The following SLC12A2 variants were observed in gnomAD, a reference collection of about 807,000 sequenced individuals.
SLC12A2 encodes solute carrier family 12 member 2.
In SLC12A2, 67 loss-of-function variants were observed where a neutral mutation model predicts 136.3. The ratio of observed to expected loss-of-function variants is 0.49; its 90% CI spans 0.40 to 0.60. The LOEUF is 0.60. Among genes scored for constraint, SLC12A2 ranks in the 20% least tolerant of loss-of-function variants. The probability of loss-of-function intolerance (pLI) is 0.00; values close to 1 mark genes in which losing one functional copy is unlikely to be tolerated. For synonymous variants in SLC12A2, 619 were observed against 562.9 expected (o/e 1.10, Z -1.41); for missense variants, 1,322 against 1,534.7 (o/e 0.86, Z 2.32).
chr5:128,138,611 G>T lies in SLC12A2; in HGVS notation c.1423G>T (p.Glu475Ter). ...GTTCTCTGCAGCTGAAATATTTAAT[G>T]AGAACTTTGGGCCCGATTTTCGAGA... ...FFGYKSEIFN[E>*]NFGPDFREEE... The change falls in exon 8 of 27, where the codon GAG (glutamate) becomes TAG (stop). Residue 475 changes from glutamate (E) to a stop codon, truncating the protein, a stop_gained. Transcript: ENST00000262461. LOFTEE classifies it high-confidence loss of function. The T allele has an allele frequency of 6.2e-7, 1 of 1,608,242 alleles. No individual in the cohort carries two copies. Among genetic ancestry groups the T allele is most frequent in the South Asian group, 1.1e-5 (1 of 89,638 alleles).
intron 4 of SLC12A2, among the ~76,000 whole-genome samples, chr5:128,126,190 C>A (rs1581088817): frequency 6.6e-6 from 1 of 152,230 alleles, no homozygotes; most frequent in Non-Finnish European, 1.5e-5. Flanking sequence ...ATTGGATTAA[C>A]AACCTAAATA....
At chr5:128,104,404 G>A (rs969744398) in intron 1 of SLC12A2, among the ~76,000 whole-genome samples, 5 of 152,080 alleles carry the variant, frequency 3.3e-5, no homozygotes, top group Non-Finnish European at 7.4e-5. Context: ...GGCCCAGGCG[G>A]GCAGATCACT....
intron 9 of SLC12A2, 41 bp from the exon 10 acceptor site, chr5:128,141,789 A>G: frequency 6.5e-7 from 1 of 1,543,752 alleles, no homozygotes. Context: ...AAATGAATGT[A>G]GATATTAACT....
At chr5:128,175,099 C>T (rs554970410) in intron 20 of SLC12A2, among the ~76,000 whole-genome samples, 2 of 152,168 alleles carry the variant, frequency 1.3e-5, no homozygotes, top group East Asian at 3.9e-4. Flanking sequence ...CCTCACTCTC[C>T]TACCTCTGTT....
intron 1 of SLC12A2, among the ~76,000 whole-genome samples, chr5:128,106,858 C>T (rs938193669): frequency 1.3e-5 from 2 of 152,084 alleles, no homozygotes; most frequent in African/African-American, 4.8e-5. Context: ...AAATCTTAGC[C>T]TTAGAAAAAG....
chr5:128,186,529 T>G lies in SLC12A2; in HGVS notation c.3537T>G (p.Ser1179=). 1.9e-6 allele frequency: 3 copies of G among 1,613,770 alleles called. No homozygotes were observed. The highest frequency in any genetic ancestry group is 2.5e-6 in the Non-Finnish European group (3 of 1,179,878). ...SLPVARKGAV[S]SALYMAWLEA... Reference sequence around the variant, plus strand: ...CAGTTGCACGAAAAGGTGCTGTGTCTAGTGCTCTCTACATGGCATGGTTAG... The same window carrying G: ...CAGTTGCACGAAAAGGTGCTGTGTCGAGTGCTCTCTACATGGCATGGTTAG... Residue 1179 remains serine, a synonymous_variant, in exon 27 of 27, where the codon TCT becomes TCG. Coordinates refer to ENST00000262461, the MANE Select transcript of SLC12A2 (RefSeq NM_001046.3).
chr5:128,144,926 T>C (rs1762482286), intron 10 of SLC12A2, among the ~76,000 whole-genome samples: 1 of 152,158 alleles, frequency 6.6e-6, no homozygotes, highest in Non-Finnish European at 1.5e-5. Context: ...TGTCTTTTTT[T>C]CCCCTTTAGA....
intron 10 of SLC12A2, among the ~76,000 whole-genome samples, chr5:128,145,591 C>A (rs74419090): frequency 0.012 from 1,872 of 152,122 alleles, 43 homozygotes; most frequent in African/African-American, 0.042. Flanking sequence ...TTCAGATTTT[C>A]TCCCCACTCT....
intron 15 of SLC12A2, among the ~76,000 whole-genome samples, chr5:128,157,628 A>G (rs1276235493): frequency 6.6e-6 from 1 of 152,188 alleles, no homozygotes; most frequent in Non-Finnish European, 1.5e-5. Flanking sequence ...TTAATAGAAT[A>G]TTTATTACCT....
intron 4 of SLC12A2, among the ~76,000 whole-genome samples, chr5:128,130,035 GT>G (rs59807299): frequency 0.16 from 22,472 of 141,800 alleles, 1,901 homozygotes; most frequent in East Asian, 0.26. Context: ...GTGAGACTTT[GT>G]TTTTTTTTTT....
intron 17 of SLC12A2, among the ~76,000 whole-genome samples, chr5:128,167,066 ATGAGT>A (rs1234268649): frequency 6.6e-6 from 1 of 152,126 alleles, no homozygotes; most frequent in African/African-American, 2.4e-5. Flanking sequence ...ATTAGCTATT[ATGAGT>A]AATCTTGAGA....
chr5:128,088,552 G>A (rs1254405845), intron 1 of SLC12A2, among the ~76,000 whole-genome samples: 1 of 134,158 alleles, frequency 7.5e-6, no homozygotes, highest in Non-Finnish European at 1.7e-5. Flanking sequence ...TTTTGTTTTT[G>A]TTTGTTTGTT....
intron 16 of SLC12A2, among the ~76,000 whole-genome samples, chr5:128,158,825 A>ATAAGTGT (rs898354423): frequency 4.0e-5 from 6 of 150,056 alleles, no homozygotes; most frequent in Non-Finnish European, 7.4e-5. Context: ...CCAGCAGTGT[A>ATAAGTGT]TAAGTGTTTT....
chr5:128,171,850 T>C, intron 19 of SLC12A2, 104 bp downstream of exon 19: 2 of 706,366 alleles, frequency 2.8e-6, no homozygotes, highest in Non-Finnish European at 4.8e-6. Context: ...TTAATAATTA[T>C]GTATCGTGGA....
rs1413920201 is a variant in SLC12A2 at position 128,186,732 on chromosome 5, A to G, written c.*101A>G. ...ATTAACATCACAATGGCGAATGGTG[A>G]CTTTTCTTTCACGATTTCATTAATT... is the stretch of plus-strand genomic sequence containing the variant. On this transcript the variant is annotated 3_prime_UTR_variant, in exon 27 of 27. Coordinates refer to ENST00000262461, the MANE Select transcript of SLC12A2 (RefSeq NM_001046.3). 8.0e-7 allele frequency: 1 copy of G among 1,246,036 alleles called. No individual in the cohort carries two copies. The highest frequency in any genetic ancestry group is 1.5e-5 in the African/African-American group (1 of 67,156). 77.2% of individuals were successfully genotyped at this position (1,246,036 alleles called of 1,614,324 possible). A position where few individuals can be genotyped will look rare whatever the true frequency, so the allele number is the denominator to read the frequency against.
At chr5:128,155,526 CTTTT>C (rs1230983227) in intron 15 of SLC12A2, among the ~76,000 whole-genome samples, 1 of 152,098 alleles carries the variant, frequency 6.6e-6, no homozygotes, top group African/African-American at 2.4e-5. Flanking sequence ...TGCTACATAG[CTTTT>C]TTGTTTTCCC....
chr5:128,127,442 T>C (rs926324965), intron 4 of SLC12A2, among the ~76,000 whole-genome samples: 12 of 152,124 alleles, frequency 7.9e-5, no homozygotes, highest in Admixed American at 2.6e-4. Flanking sequence ...TTTTTTATAA[T>C]AACCTTACTA....
chr5:128,131,834 G>A (rs954647484), intron 5 of SLC12A2, among the ~76,000 whole-genome samples: 6 of 151,772 alleles, frequency 4.0e-5, no homozygotes, highest in Non-Finnish European at 5.9e-5. Flanking sequence ...GGAGAAACCC[G>A]GTCTCTACTA....
chr5:128,093,953 G>T (rs548490486), intron 1 of SLC12A2, among the ~76,000 whole-genome samples: 1 of 151,950 alleles, frequency 6.6e-6, no homozygotes, highest in Non-Finnish European at 1.5e-5. Flanking sequence ...CTTTGGTCAC[G>T]TGGCCTTTGT....
Sources: gnomAD v4.1 joint callset for allele counts (sites outside exome capture counted in the v4.1 genomes callset) on GRCh38, gnomAD v4.1.1 for gene constraint, MANE v1.5 for transcripts, NCBI Gene and HGNC (gene_info 2026-07-23, HGNC 2026-07-21) for gene names.